Variants in GALNT17 observed in about 807,000 individuals in gnomAD.
GALNT17 encodes the protein UDP-GalNAc:polypeptide N-acetylgalactosaminyltransferase-like 3.
GALNT17 carries 29 observed loss-of-function variants against 63.7 expected under a neutral mutation model. The ratio of observed to expected loss-of-function variants is 0.46; its 90% CI spans 0.34 to 0.62. GALNT17 has a LOEUF of 0.62. GALNT17 is among the 20% of genes least tolerant of loss of function. GALNT17 has a pLI of 0.01. For synonymous variants in GALNT17, 305 were observed against 318.3 expected (o/e 0.96, Z 0.45); for missense variants, 603 against 799.6 (o/e 0.75, Z 2.97).
intron 5 of GALNT17, among the ~76,000 whole-genome samples, chr7:71,451,174 T>C (rs1476763108): frequency 6.6e-6 from 1 of 152,074 alleles, no homozygotes; most frequent in Non-Finnish European, 1.5e-5. Context: ...AGTGAGAACA[T>C]GTGGTGTTTG....
At chr7:71,481,271 A>G (rs1787812112) in intron 5 of GALNT17, among the ~76,000 whole-genome samples, 1 of 152,052 alleles carries the variant, frequency 6.6e-6, no homozygotes, top group African/African-American at 2.4e-5. Flanking sequence ...ACATGGTGAA[A>G]CCTCATCTCT....
chr7:71,443,654 C>A (rs1021096399), intron 5 of GALNT17, among the ~76,000 whole-genome samples: 2 of 152,128 alleles, frequency 1.3e-5, no homozygotes, highest in African/African-American at 4.8e-5. Context: ...TGATGCCATG[C>A]TTCTTGTACA....
intron 6 of GALNT17, among the ~76,000 whole-genome samples, chr7:71,642,568 G>T (rs994415260): frequency 6.6e-6 from 1 of 152,178 alleles, no homozygotes; most frequent in African/African-American, 2.4e-5. Context: ...TGGGTGCAGT[G>T]ACTCACACCT....
intron 1 of GALNT17, among the ~76,000 whole-genome samples, chr7:71,142,506 G>A (rs918337177): frequency 2.6e-5 from 4 of 152,212 alleles, no homozygotes; most frequent in African/African-American, 9.6e-5. Context: ...ATTCATATCC[G>A]TTAGTGAGCA....
chr7:71,686,561 T>A (rs1048994270), intron 9 of GALNT17, among the ~76,000 whole-genome samples: 10 of 150,636 alleles, frequency 6.6e-5, no homozygotes, highest in African/African-American at 2.4e-4. Context: ...ATTTTTTTTT[T>A]AAATTTTTGT....
intron 1 of GALNT17, among the ~76,000 whole-genome samples, chr7:71,317,327 C>G (rs551346936): frequency 1.3e-5 from 2 of 152,196 alleles, no homozygotes; most frequent in African/African-American, 4.8e-5. Context: ...CTTAGGAAAT[C>G]AGCTTTGTTG....
intron 1 of GALNT17, among the ~76,000 whole-genome samples, chr7:71,177,129 G>A (rs935012850): frequency 7.2e-5 from 11 of 152,060 alleles, no homozygotes; most frequent in African/African-American, 2.4e-4. Flanking sequence ...GGGGCCTGTC[G>A]GAGAGCGGGG....
chr7:71,367,859 A>G (rs1792543805), intron 2 of GALNT17, among the ~76,000 whole-genome samples: 1 of 152,210 alleles, frequency 6.6e-6, no homozygotes, highest in African/African-American at 2.4e-5. Context: ...TGGTCAAGGA[A>G]GTACCTTTTA....
chr7:71,201,225 G>C (rs1433992197), intron 1 of GALNT17, among the ~76,000 whole-genome samples: 4 of 103,050 alleles, frequency 3.9e-5, no homozygotes, highest in Non-Finnish European at 5.8e-5. Flanking sequence ...TTGTATGGGG[G>C]TGTGTGTGTT....
chr7:71,500,244 A>G (rs1431033360), intron 5 of GALNT17, among the ~76,000 whole-genome samples: 1 of 152,144 alleles, frequency 6.6e-6, no homozygotes, highest in Non-Finnish European at 1.5e-5. Context: ...TTGAATGACT[A>G]TTAATGTCTA....
chr7:71,647,771 A>C (rs531315921), intron 6 of GALNT17, among the ~76,000 whole-genome samples: 1 of 152,208 alleles, frequency 6.6e-6, no homozygotes, highest in Non-Finnish European at 1.5e-5. Flanking sequence ...ACCACCTGAC[A>C]GCAGTTCCAC....
intron 2 of GALNT17, among the ~76,000 whole-genome samples, chr7:71,362,114 G>A (rs945860212): frequency 2.0e-5 from 3 of 152,042 alleles, no homozygotes; most frequent in Admixed American, 6.6e-5. Context: ...CTGCCACCAC[G>A]CCTGGCTAAT....
intron 5 of GALNT17, among the ~76,000 whole-genome samples, chr7:71,436,028 GA>G (rs71089944): frequency 0.17 from 22,860 of 137,280 alleles, 1,812 homozygotes; most frequent in Middle Eastern, 0.23. Context: ...TCAAAAAAAA[GA>G]AAAAAAAAAA....
At chr7:71,286,079 A>T (rs1216757355) in intron 1 of GALNT17, among the ~76,000 whole-genome samples, 1 of 152,204 alleles carries the variant, frequency 6.6e-6, no homozygotes, top group Non-Finnish European at 1.5e-5. Flanking sequence ...ACTATAACAC[A>T]AGGAAAACTG....
chr7:71,398,873 C>T (rs1488304922), intron 3 of GALNT17, among the ~76,000 whole-genome samples: 1 of 152,174 alleles, frequency 6.6e-6, no homozygotes, highest in Non-Finnish European at 1.5e-5. Flanking sequence ...GCTGATCAGA[C>T]ATTGTGCACT....
intron 3 of GALNT17, among the ~76,000 whole-genome samples, chr7:71,406,161 A>G (rs1465856213): frequency 1.3e-5 from 2 of 152,146 alleles, no homozygotes; most frequent in Non-Finnish European, 2.9e-5. Context: ...GAGCTTGGTT[A>G]GCAATTTGGG....
intron 10 of GALNT17, among the ~76,000 whole-genome samples, chr7:71,711,755 CTT>C (rs988340355): frequency 2.0e-5 from 3 of 149,824 alleles, no homozygotes; most frequent in African/African-American, 4.9e-5. Flanking sequence ...TTTGTCTTCT[CTT>C]TGTCTCTTTG....
intron 6 of GALNT17, among the ~76,000 whole-genome samples, chr7:71,594,906 A>G (rs1330786998): frequency 6.6e-6 from 1 of 152,236 alleles, no homozygotes; most frequent in Non-Finnish European, 1.5e-5. Context: ...GCTTGTGGAC[A>G]TGACCTTATT....
At chr7:71,242,394 G>T (rs1277577785) in intron 1 of GALNT17, among the ~76,000 whole-genome samples, 3 of 150,280 alleles carry the variant, frequency 2.0e-5, no homozygotes, top group Middle Eastern at 3.4e-3. Flanking sequence ...TCAGCCTCCC[G>T]AGTAGCTGGG....
Sources: allele counts gnomAD v4.1 joint callset (sites outside exome capture counted in the v4.1 genomes callset), GRCh38; gene constraint gnomAD v4.1.1; transcripts MANE v1.5; gene names NCBI Gene and HGNC (gene_info 2026-07-23, HGNC 2026-07-21).